EYA2: variants seen among roughly 807,000 people sequenced by gnomAD.
EYA2 encodes the protein EYA transcriptional coactivator and phosphatase 2.
A neutral mutation model predicts 69.2 loss-of-function variants in EYA2; 31 were observed. The ratio of observed to expected loss-of-function variants is 0.45; its 90% CI spans 0.34 to 0.60. EYA2 has a LOEUF of 0.60. Ranked by LOEUF, EYA2 falls within the 20% of genes least tolerant of loss-of-function variation. The probability of loss-of-function intolerance (pLI) is 0.02; values close to 1 mark genes in which losing one functional copy is unlikely to be tolerated. For synonymous variants in EYA2, 257 were observed against 279.4 expected (o/e 0.92, Z 0.80); for missense variants, 622 against 701.2 (o/e 0.89, Z 1.28).
chr20:46,972,198 A>T (rs1198966940), intron 1 of EYA2, among the ~76,000 whole-genome samples: 1 of 152,252 alleles, frequency 6.6e-6, no homozygotes, highest in Non-Finnish European at 1.5e-5. Context: ...GAACCAACAC[A>T]CTAGGTTTAA....
chr20:46,895,901 G>C (rs776378556), intron 1 of EYA2, among the ~76,000 whole-genome samples: 4 of 152,330 alleles, frequency 2.6e-5, no homozygotes, highest in Admixed American at 2.0e-4. Flanking sequence ...CTGCTTCCCC[G>C]AAGCCGAGGC....
At chr20:47,174,743 G>A (rs1286280705) in intron 12 of EYA2, among the ~76,000 whole-genome samples, 1 of 152,230 alleles carries the variant, frequency 6.6e-6, no homozygotes, top group Non-Finnish European at 1.5e-5. Flanking sequence ...TTTATCAACG[G>A]TGTTGCTTGA....
intron 1 of EYA2, among the ~76,000 whole-genome samples, chr20:46,978,808 C>CA (rs1980626345): frequency 1.3e-5 from 2 of 152,160 alleles, no homozygotes; most frequent in African/African-American, 4.8e-5. Context: ...TTTATAAGGC[C>CA]TGGAGATGGA....
chr20:46,949,208 G>A (rs1978652377), intron 1 of EYA2, among the ~76,000 whole-genome samples: 1 of 152,198 alleles, frequency 6.6e-6, no homozygotes. Flanking sequence ...ATTGGCAGTT[G>A]AGGCCATGTT....
At chr20:46,956,118 G>A (rs1345460093) in intron 1 of EYA2, among the ~76,000 whole-genome samples, 2 of 152,214 alleles carry the variant, frequency 1.3e-5, no homozygotes, top group African/African-American at 4.8e-5. Flanking sequence ...ATGTATTCAG[G>A]TTTGGTGTTT....
At chr20:47,117,280 G>A in intron 9 of EYA2, 1 of 728,888 alleles carries the variant, frequency 1.4e-6, no homozygotes, top group Non-Finnish European at 1.7e-6. Flanking sequence ...AAAGTGCTGG[G>A]GTTACAGGCA....
At chr20:46,961,775 A>G (rs1211752870) in intron 1 of EYA2, among the ~76,000 whole-genome samples, 1 of 152,232 alleles carries the variant, frequency 6.6e-6, no homozygotes, top group African/African-American at 2.4e-5. Flanking sequence ...AGGAGCAGAA[A>G]GATAAATACC....
At chr20:46,940,246 T>A (rs996382876) in intron 1 of EYA2, among the ~76,000 whole-genome samples, 1 of 152,210 alleles carries the variant, frequency 6.6e-6, no homozygotes, top group Non-Finnish European at 1.5e-5. Flanking sequence ...TATTGAGCAC[T>A]TACTGTGTGC....
At chr20:47,055,775 CCT>C (rs781276153) in intron 5 of EYA2, among the ~76,000 whole-genome samples, 2 of 152,182 alleles carry the variant, frequency 1.3e-5, no homozygotes, top group Admixed American at 6.5e-5. Flanking sequence ...GTATTGATCC[CCT>C]GTTTAACTGA....
intron 1 of EYA2, among the ~76,000 whole-genome samples, chr20:46,937,037 T>C (rs1485113821): frequency 1.3e-5 from 2 of 152,154 alleles, no homozygotes; most frequent in South Asian, 4.1e-4. Context: ...GCGCTTTTAA[T>C]CTATAAGCCT....
chr20:46,951,786 G>A (rs1353398554), intron 1 of EYA2, among the ~76,000 whole-genome samples: 1 of 152,142 alleles, frequency 6.6e-6, no homozygotes, highest in African/African-American at 2.4e-5. Flanking sequence ...TGGATTTCAG[G>A]ATCAGATGGG....
Position 46,953,908 on chromosome 20 carries a change from C to G in EYA2, c.-10-36093C>G, listed in dbSNP as rs150597291. On this transcript the variant is annotated intron_variant, in intron 1 of 15. Coordinates refer to ENST00000327619, the MANE Select transcript of EYA2 (RefSeq NM_005244.5). The stretch of plus-strand genomic sequence containing the variant: ...CCTGTTCAGAACCTTCCAGCAAATT[C>G]CCAATACACTTAGCTTCCCCAGGGC... Among the ~76,000 whole-genome samples, 720 of 152,332 alleles carry G rather than the reference C, an allele frequency of 4.7e-3. 4 individuals are homozygous for G. The highest frequency in any genetic ancestry group is 0.016 in the South Asian group (75 of 4,824).
At chr20:47,092,163 C>T (rs180922507) in intron 8 of EYA2, among the ~76,000 whole-genome samples, 203 of 152,220 alleles carry the variant, frequency 1.3e-3, no homozygotes, top group Middle Eastern at 0.01. Context: ...TAGCTGGGGT[C>T]GGTTCTGATC....
At position 47,006,029 on chromosome 20, in the gene EYA2, A is replaced by G. The variant is rs183800931; in HGVS notation, c.298+945A>G. 2.2e-4 allele frequency among the ~76,000 whole-genome samples: 34 copies of G among 152,350 alleles called. No individual in the cohort carries two copies. The East Asian group carries it at 6.2e-3, about 28-fold the overall frequency. ...AGGCCTGGGTCCAGGTCCTCAAGGT[A>G]TAATATCAGGACTCAGCCTCTGCTT... On this transcript the variant is annotated intron_variant, in intron 4 of 15. Transcript: ENST00000327619.
At chr20:46,974,259 A>T (rs1980317624) in intron 1 of EYA2, among the ~76,000 whole-genome samples, 1 of 152,194 alleles carries the variant, frequency 6.6e-6, no homozygotes, top group African/African-American at 2.4e-5. Flanking sequence ...GGCACAAATA[A>T]TTTGGACCAA....
At chr20:47,045,283 A>G (rs908224283) in intron 5 of EYA2, among the ~76,000 whole-genome samples, 10 of 151,888 alleles carry the variant, frequency 6.6e-5, no homozygotes, top group South Asian at 2.1e-4. Context: ...TTCCACATGG[A>G]CTCTCTTCCT....
chr20:47,109,728 T>C (rs1286834113), intron 9 of EYA2, among the ~76,000 whole-genome samples: 1 of 152,142 alleles, frequency 6.6e-6, no homozygotes, highest in African/African-American at 2.4e-5. Context: ...CATACAACTC[T>C]ATCACTCTAA....
At chr20:46,952,848 G>A (rs1978887529) in intron 1 of EYA2, among the ~76,000 whole-genome samples, 1 of 152,218 alleles carries the variant, frequency 6.6e-6, no homozygotes, top group Non-Finnish European at 1.5e-5. Context: ...TTATGTAAGA[G>A]GTTGCATTCC....
At chr20:47,001,973 C>T (rs375193609) in intron 3 of EYA2, among the ~76,000 whole-genome samples, 5 of 151,522 alleles carry the variant, frequency 3.3e-5, no homozygotes, top group South Asian at 4.2e-4. Context: ...GCTCTGTCAC[C>T]CAGGCTGGAG....
Sources: gnomAD v4.1 joint callset for allele counts (sites outside exome capture counted in the v4.1 genomes callset) on GRCh38, gnomAD v4.1.1 for gene constraint, MANE v1.5 for transcripts, NCBI Gene and HGNC (gene_info 2026-07-23, HGNC 2026-07-21) for gene names.